Variants in RGS18 observed in about 807,000 individuals in gnomAD.
The protein encoded by RGS18 is regulator of G-protein signaling 18.
In RGS18, 22 loss-of-function variants were observed where a neutral mutation model predicts 27.6. That is an observed-to-expected ratio of 0.80 (90% CI 0.57 to 1.14). The LOEUF (loss-of-function observed/expected upper bound fraction) is 1.14, where lower values mean the gene tolerates loss of function less well. Among genes scored for constraint, RGS18 ranks in the 50% most tolerant of loss-of-function variants. The pLI is 0.00. For missense variants in RGS18, 299 were observed against 269.6 expected (o/e 1.11, Z -0.76); for synonymous variants, 89 against 84.6 (o/e 1.05, Z -0.29).
At position 192,185,804 on chromosome 1, in the gene RGS18, G is replaced by T. The variant is rs1162323021; in HGVS notation, c.*1250G>T. The T allele has an allele frequency of 6.6e-6, 1 of 151,468 alleles. No individual in the cohort carries two copies. Among genetic ancestry groups the T allele is most frequent in the Non-Finnish European group, 1.5e-5 (1 of 67,644 alleles). 9.4% of individuals were successfully genotyped at this position (151,468 alleles called of 1,614,324 possible). On this transcript the variant is annotated 3_prime_UTR_variant, in exon 5 of 5. Coordinates refer to ENST00000367460, the MANE Select transcript of RGS18 (RefSeq NM_130782.3). ...CAGTTAAGTTTATCTGACAATAAAA[G>T]CTCTGACTGAATGTTGATTATCCTT...
chr1:192,165,226 C>A (rs1261985301), intron 3 of RGS18, among the ~76,000 whole-genome samples: 3 of 152,142 alleles, frequency 2.0e-5, no homozygotes, highest in Non-Finnish European at 4.4e-5. Context: ...CACCCCCAGG[C>A]TTGCTAGGAT....
intron 3 of RGS18, among the ~76,000 whole-genome samples, chr1:192,170,979 C>T (rs776761314): frequency 9.2e-5 from 14 of 152,076 alleles, no homozygotes; most frequent in Admixed American, 2.6e-4. Context: ...CAAATAGGAA[C>T]GTTCTAAGGA....
intron 3 of RGS18, among the ~76,000 whole-genome samples, chr1:192,174,164 T>G (rs1375127183): frequency 1.3e-5 from 2 of 151,868 alleles, no homozygotes; most frequent in Admixed American, 1.3e-4. Flanking sequence ...TTCTCTAACA[T>G]GTAGGTTATT....
intron 3 of RGS18, among the ~76,000 whole-genome samples, chr1:192,178,379 T>C (rs1656393086): frequency 1.3e-5 from 2 of 151,656 alleles, no homozygotes; most frequent in African/African-American, 4.8e-5. Context: ...CTAAGAATCA[T>C]CTGCATATTG....
At chr1:192,166,767 G>C (rs534377896) in intron 3 of RGS18, among the ~76,000 whole-genome samples, 99 of 152,254 alleles carry the variant, frequency 6.5e-4, no homozygotes, top group African/African-American at 2.4e-3. Context: ...AACAAGACTT[G>C]TAAAAAGAGA....
At chr1:192,163,723 T>C (rs1656111783) in intron 3 of RGS18, 1 of 151,918 alleles carries the variant, frequency 6.6e-6, no homozygotes, top group Admixed American at 6.5e-5. Context: ...AATCCAATTA[T>C]TTTTATTACA....
chr1:192,162,192 A>G (rs1017910807), intron 3 of RGS18, among the ~76,000 whole-genome samples: 10 of 152,234 alleles, frequency 6.6e-5, no homozygotes, highest in African/African-American at 2.4e-4. Context: ...TAACTTAAAC[A>G]GCCTTCCTCA....
At chr1:192,172,878 T>TATATATATATAA (rs1553229372) in intron 3 of RGS18, among the ~76,000 whole-genome samples, 1 of 138,574 alleles carries the variant, frequency 7.2e-6, no homozygotes, top group East Asian at 2.1e-4. Context: ...TATATATATA[T>TATATATATATAA]ATATAAATAT....
rs1403275663 is a variant in RGS18, at chr1:192,185,602, A to G, written c.*1048A>G. 6.6e-6 allele frequency: 1 copy of G among 151,640 alleles called. No individual in the cohort carries two copies. The highest frequency in any genetic ancestry group is 2.4e-5 in the African/African-American group (1 of 41,360). 9.4% of individuals were successfully genotyped at this position (151,640 alleles called of 1,614,324 possible). On this transcript the variant is annotated 3_prime_UTR_variant, in exon 5 of 5. Coordinates refer to ENST00000367460, the MANE Select transcript of RGS18 (RefSeq NM_130782.3). ...TATTCAAATAAGATTATACTCATAC[A>G]TCTATATGTCACTGTTTTAAAGAGA... is the stretch of plus-strand genomic sequence containing the variant.
chr1:192,162,747 T>C (rs1656095654), intron 3 of RGS18, among the ~76,000 whole-genome samples: 1 of 152,116 alleles, frequency 6.6e-6, no homozygotes, highest in Admixed American at 6.6e-5. Flanking sequence ...ATAATTCATG[T>C]CCCCCAAATG....
At chr1:192,160,617 A>T (rs1360462099) in intron 3 of RGS18, 178 bp downstream of exon 3, 5 of 508,490 alleles carry the variant, frequency 9.8e-6, no homozygotes, top group Non-Finnish European at 1.8e-5. Context: ...AAATTTTTTT[A>T]AAAGTTCTCA....
At chr1:192,160,493 C>A in intron 3 of RGS18, 54 bp downstream of exon 3, 1 of 1,273,070 alleles carries the variant, frequency 7.9e-7, no homozygotes, top group Non-Finnish European at 1.1e-6. Flanking sequence ...ATTACACAAA[C>A]TATGCATGTA....
At chr1:192,168,609 T>C (rs1227250949) in intron 3 of RGS18, 4 of 152,212 alleles carry the variant, frequency 2.6e-5, no homozygotes, top group African/African-American at 9.6e-5. Flanking sequence ...TGTTATTTTC[T>C]GGAAGACTTC....
intron 4 of RGS18, among the ~76,000 whole-genome samples, chr1:192,182,745 T>G (rs1194546961): frequency 6.6e-6 from 1 of 151,584 alleles, no homozygotes; most frequent in Non-Finnish European, 1.5e-5. Context: ...ATTCACTTAT[T>G]CATATTAATC....
chr1:192,170,686 A>G (rs1303139744), intron 3 of RGS18, among the ~76,000 whole-genome samples: 1 of 152,096 alleles, frequency 6.6e-6, no homozygotes, highest in Non-Finnish European at 1.5e-5. Flanking sequence ...AAAAAAGACA[A>G]GTAAAACCAT....
At chr1:192,177,660 G>A (rs889308062) in intron 3 of RGS18, among the ~76,000 whole-genome samples, 3 of 151,750 alleles carry the variant, frequency 2.0e-5, no homozygotes, top group African/African-American at 7.2e-5. Flanking sequence ...TTCCGGACAA[G>A]ATGAAGTGTA....
At chr1:192,165,511 T>A (rs1656148815) in intron 3 of RGS18, among the ~76,000 whole-genome samples, 1 of 152,202 alleles carries the variant, frequency 6.6e-6, no homozygotes, top group South Asian at 2.1e-4. Flanking sequence ...GTTTTGTGGC[T>A]CAGGGGGCAT....
intron 3 of RGS18, chr1:192,168,622 T>C (rs1308504629): frequency 6.6e-6 from 1 of 152,202 alleles, no homozygotes; most frequent in Non-Finnish European, 1.5e-5. Context: ...AAGACTTCTA[T>C]TTGAATTTTA....
At chr1:192,159,515 A>C (rs1232165067) in intron 2 of RGS18, among the ~76,000 whole-genome samples, 194 bp downstream of exon 2, 1 of 152,248 alleles carries the variant, frequency 6.6e-6, no homozygotes, top group Non-Finnish European at 1.5e-5. Flanking sequence ...GAATTGAATA[A>C]TCACGTGAAC....
Sources: allele counts gnomAD v4.1 joint callset (sites outside exome capture counted in the v4.1 genomes callset), GRCh38; gene constraint gnomAD v4.1.1; transcripts MANE v1.5; gene names NCBI Gene and HGNC (gene_info 2026-07-23, HGNC 2026-07-21).